CTNNA3: variants seen among roughly 807,000 people sequenced by gnomAD.
CTNNA3 encodes catenin alpha 3, also known as catenin alpha-3.
Under a neutral mutation model 95.7 loss-of-function variants are expected in CTNNA3, and 76 were observed. The observed-to-expected ratio is 0.79, with a 90% confidence interval of 0.66 to 0.96. The LOEUF (loss-of-function observed/expected upper bound fraction) is 0.96. Ranked by LOEUF, CTNNA3 falls within the 40% of genes least tolerant of loss-of-function variation. The probability of loss-of-function intolerance (pLI) is 0.00; values close to 1 mark genes in which losing one functional copy is unlikely to be tolerated. For missense variants in CTNNA3, 1,191 were observed against 1,089.8 expected (o/e 1.09, Z -1.31); for synonymous variants, 431 against 374.4 (o/e 1.15, Z -1.74).
At chr10:65,998,631 G>A (rs2078712433) in intron 15 of CTNNA3, among the ~76,000 whole-genome samples, 1 of 152,182 alleles carries the variant, frequency 6.6e-6, no homozygotes. Flanking sequence ...AAACTAGTTA[G>A]AGTGAGAAAA....
At chr10:66,633,477 A>C (rs56160138) in intron 9 of CTNNA3, among the ~76,000 whole-genome samples, 1 of 152,022 alleles carries the variant, frequency 6.6e-6, no homozygotes, top group Non-Finnish European at 1.5e-5. Flanking sequence ...TCAGGAGATC[A>C]AGACCATCCT....
At chr10:67,641,199 T>C (rs1226936673) in intron 2 of CTNNA3, among the ~76,000 whole-genome samples, 2 of 152,110 alleles carry the variant, frequency 1.3e-5, no homozygotes, top group East Asian at 1.9e-4. Context: ...GGGCAAAGGA[T>C]ATGAACAGAC....
chr10:67,407,932 G>C (rs932910754), intron 5 of CTNNA3, among the ~76,000 whole-genome samples: 1 of 151,222 alleles, frequency 6.6e-6, no homozygotes, highest in African/African-American at 2.4e-5. Context: ...CAAACAAATG[G>C]GAAATCATTC....
At chr10:66,069,182 C>T (rs1376535141) in intron 15 of CTNNA3, 126 bp downstream of exon 15, 2 of 816,378 alleles carry the variant, frequency 2.4e-6, no homozygotes, top group Non-Finnish European at 4.0e-6. Flanking sequence ...CTTTCTAATA[C>T]TATATTTGCT....
chr10:67,086,082 T>C (rs1043064053), intron 7 of CTNNA3, among the ~76,000 whole-genome samples: 1 of 151,938 alleles, frequency 6.6e-6, no homozygotes, highest in Non-Finnish European at 1.5e-5. Flanking sequence ...TCAATAATGA[T>C]GGATGGATAT....
chr10:66,508,956 C>T (rs930362745), intron 11 of CTNNA3, among the ~76,000 whole-genome samples: 18 of 152,070 alleles, frequency 1.2e-4, no homozygotes, highest in African/African-American at 4.3e-4. Context: ...TTTGAGGAAC[C>T]TCCACACTCT....
At chr10:67,281,779 A>G (rs529833627) in intron 5 of CTNNA3, among the ~76,000 whole-genome samples, 106 of 152,290 alleles carry the variant, frequency 7.0e-4, no homozygotes, top group African/African-American at 2.4e-3. Flanking sequence ...TTAGTTCTGA[A>G]TATAAATATC....
intron 17 of CTNNA3, among the ~76,000 whole-genome samples, chr10:65,948,136 C>T (rs1379216636): frequency 1.3e-5 from 2 of 152,086 alleles, no homozygotes; most frequent in East Asian, 3.9e-4. Context: ...AAAAAATTAG[C>T]TGGGCGTGGT....
intron 7 of CTNNA3, among the ~76,000 whole-genome samples, chr10:67,002,347 T>C (rs1286967680): frequency 6.6e-6 from 1 of 152,170 alleles, no homozygotes; most frequent in Non-Finnish European, 1.5e-5. Flanking sequence ...GTGCAAGTCA[T>C]CTAGGATCAT....
At chr10:66,472,211 T>C (rs113301385) in intron 11 of CTNNA3, among the ~76,000 whole-genome samples, 9,394 of 151,822 alleles carry the variant, frequency 0.062, 609 homozygotes, top group African/African-American at 0.16. Context: ...CAGAACAAAG[T>C]AGAATGAATT....
intron 11 of CTNNA3, among the ~76,000 whole-genome samples, chr10:66,420,743 G>A (rs1277675014): frequency 6.6e-6 from 1 of 151,740 alleles, no homozygotes; most frequent in Non-Finnish European, 1.5e-5. Context: ...AGGTTGCAGT[G>A]AGCCAAGATC....
chr10:67,425,289 G>C (rs1838903427), intron 5 of CTNNA3, among the ~76,000 whole-genome samples: 1 of 152,026 alleles, frequency 6.6e-6, no homozygotes, highest in Admixed American at 6.6e-5. Flanking sequence ...TAGTGAAGGA[G>C]ACAGGTGAAC....
chr10:66,460,938 T>C (rs1171693294), intron 11 of CTNNA3, among the ~76,000 whole-genome samples: 3 of 152,158 alleles, frequency 2.0e-5, no homozygotes, highest in African/African-American at 4.8e-5. Context: ...ATTATTCTTG[T>C]AGATTTTTTA....
At chr10:67,536,142 A>G (rs1418715568) in intron 4 of CTNNA3, among the ~76,000 whole-genome samples, 1 of 152,176 alleles carries the variant, frequency 6.6e-6, no homozygotes, top group Non-Finnish European at 1.5e-5. Context: ...TGAAAAATAT[A>G]TAGAAATTCT....
chr10:66,143,918 AT>A (rs2083742516), intron 13 of CTNNA3, among the ~76,000 whole-genome samples: 2 of 152,232 alleles, frequency 1.3e-5, no homozygotes, highest in African/African-American at 4.8e-5. Context: ...TAGGTGCTTA[AT>A]TAAAAGGATG....
chr10:66,064,534 T>C (rs1256795300), intron 15 of CTNNA3, among the ~76,000 whole-genome samples: 1 of 152,194 alleles, frequency 6.6e-6, no homozygotes, highest in East Asian at 1.9e-4. Context: ...TTCTTAAAGA[T>C]GGCCTTTATT....
At chr10:66,436,783 C>T (rs183041169) in intron 11 of CTNNA3, among the ~76,000 whole-genome samples, 5 of 151,974 alleles carry the variant, frequency 3.3e-5, no homozygotes, top group Admixed American at 1.3e-4. Flanking sequence ...TTCACAGTGC[C>T]GATGGTCTTT....
chr10:66,093,961 C>T (rs2081301130), intron 14 of CTNNA3, among the ~76,000 whole-genome samples: 2 of 152,048 alleles, frequency 1.3e-5, no homozygotes, highest in African/African-American at 2.4e-5. Flanking sequence ...AAGAAGACAA[C>T]ATGTCCCCTG....
intron 14 of CTNNA3, among the ~76,000 whole-genome samples, chr10:66,076,750 G>A (rs866914861): frequency 1.3e-5 from 2 of 151,606 alleles, no homozygotes; most frequent in Middle Eastern, 3.4e-3. Flanking sequence ...ATTGACATTT[G>A]TTCACACTTC....
Sources: allele counts gnomAD v4.1 joint callset (sites outside exome capture counted in the v4.1 genomes callset), GRCh38; gene constraint gnomAD v4.1.1; transcripts MANE v1.5; gene names NCBI Gene and HGNC (gene_info 2026-07-23, HGNC 2026-07-21).